The following SLC26A5 variants were observed in gnomAD, a reference collection of about 807,000 sequenced individuals.
SLC26A5 encodes prestin.
In SLC26A5, 51 loss-of-function variants were observed where a neutral mutation model predicts 81.0. That is an observed-to-expected ratio of 0.63 (90% confidence interval 0.50 to 0.80). The LOEUF (loss-of-function observed/expected upper bound fraction) is 0.80, where lower values mean the gene tolerates loss of function less well. Ranked by LOEUF, SLC26A5 falls within the 30% of genes least tolerant of loss-of-function variation. The pLI is 0.00. For missense variants in SLC26A5, 771 were observed against 905.8 expected (o/e 0.85, Z 1.91); for synonymous variants, 325 against 332.8 (o/e 0.98, Z 0.25).
At chr7:103,364,221 C>T (rs1820569965) in intron 19 of SLC26A5, 1 of 1,614,106 alleles carries the variant, frequency 6.2e-7, no homozygotes, top group African/African-American at 1.3e-5. Flanking sequence ...AGGCAAGACA[C>T]TCTGTGCGCG....
chr7:103,352,920 A>G, exon 20 of SLC26A5: 1 of 780,960 alleles, frequency 1.3e-6, no homozygotes, highest in Non-Finnish European at 2.4e-6. Context: ...TCATCTCTGT[A>G]TGAAAGCTGA....
intron 19 of SLC26A5, chr7:103,363,586 G>A: frequency 2.8e-6 from 2 of 702,418 alleles, no homozygotes; most frequent in East Asian, 5.4e-5. Flanking sequence ...GGTGTGGAGA[G>A]TTGGTAAGTT....
intron 7 of SLC26A5, among the ~76,000 whole-genome samples, chr7:103,409,527 T>C (rs1196832089): frequency 4.6e-5 from 7 of 152,248 alleles, no homozygotes; most frequent in South Asian, 2.1e-4. Flanking sequence ...ATTGAATTTT[T>C]AGAATTTGTG....
intron 4 of SLC26A5, among the ~76,000 whole-genome samples, chr7:103,414,640 T>C (rs1379491344): frequency 1.3e-5 from 2 of 152,246 alleles, no homozygotes; most frequent in African/African-American, 2.4e-5. Context: ...TGTTTGGATG[T>C]ACCACAGTTT....
At chr7:103,368,808 C>T (rs1260647208) in intron 19 of SLC26A5, 1 of 152,138 alleles carries the variant, frequency 6.6e-6, no homozygotes, top group Non-Finnish European at 1.5e-5. Context: ...GAATTGGCTT[C>T]ATACAGAAAA....
At chr7:103,446,002 G>A (rs1827286894) in intron 1 of SLC26A5, 96 bp downstream of exon 1, 1 of 150,384 alleles carries the variant, frequency 6.6e-6, no homozygotes, top group Non-Finnish European at 1.5e-5. Context: ...GGCGGTGACA[G>A]CGAGGGCCCC....
At chr7:103,430,076 C>CTT (rs34122107) in intron 2 of SLC26A5, among the ~76,000 whole-genome samples, 4 of 137,178 alleles carry the variant, frequency 2.9e-5, no homozygotes, top group Non-Finnish European at 4.8e-5. Flanking sequence ...GGAAATGGCA[C>CTT]TTTTTTTTTT....
At chr7:103,366,286 C>A in intron 19 of SLC26A5, 1 of 801,514 alleles carries the variant, frequency 1.2e-6, no homozygotes, top group South Asian at 1.7e-5. Context: ...AGCTCTGAAA[C>A]AGTGGCGCCA....
At chr7:103,370,714 A>T (rs1452051241), downstream of SLC26A5, among the ~76,000 whole-genome samples, 1 of 152,220 alleles carries the variant, frequency 6.6e-6, no homozygotes, top group Non-Finnish European at 1.5e-5. Context: ...ATACTAATAC[A>T]GAGTCAGTGT....
At chr7:103,406,554 G>A (rs1824066698) in intron 8 of SLC26A5, among the ~76,000 whole-genome samples, 1 of 152,108 alleles carries the variant, frequency 6.6e-6, no homozygotes, top group East Asian at 1.9e-4. Context: ...GATTCCTCAG[G>A]TGGAAATGCA....
chr7:103,396,114 A>C (rs1166621707), intron 9 of SLC26A5, among the ~76,000 whole-genome samples: 1 of 152,214 alleles, frequency 6.6e-6, no homozygotes, highest in Non-Finnish European at 1.5e-5. Context: ...CACAGCTAGT[A>C]CGTGGCAGGC....
At chr7:103,416,234 T>G (rs1824898826) in intron 4 of SLC26A5, among the ~76,000 whole-genome samples, 1 of 152,230 alleles carries the variant, frequency 6.6e-6, no homozygotes, top group Non-Finnish European at 1.5e-5. Flanking sequence ...TTGGTCTCTT[T>G]CTTGAAGCTT....
chr7:103,355,156 G>GAAATAA (rs1183913166), intron 19 of SLC26A5, among the ~76,000 whole-genome samples: 1 of 152,136 alleles, frequency 6.6e-6, no homozygotes, highest in East Asian at 1.9e-4. Context: ...TAAGAAATAA[G>GAAATAA]AAATAGTACC....
chr7:103,364,356 G>T (rs1305759486), intron 19 of SLC26A5: 1 of 1,591,374 alleles, frequency 6.3e-7, no homozygotes, highest in Non-Finnish European at 8.6e-7. Context: ...AGATTTTACA[G>T]TATGAATGAA....
At chr7:103,393,919 G>A (rs1204360137) in intron 9 of SLC26A5, among the ~76,000 whole-genome samples, 1 of 152,064 alleles carries the variant, frequency 6.6e-6, no homozygotes, top group Non-Finnish European at 1.5e-5. Flanking sequence ...ACAATAACAA[G>A]CATTTATTAT....
Position 103,420,586 on chromosome 7 carries a change from G to T in SLC26A5, c.292+152C>A, listed in dbSNP as rs1302260283. On this transcript the variant is annotated intron_variant, in intron 4 of 19. Transcript: ENST00000306312. Reference sequence around the variant, plus strand: ...AAAGTGCTGAGATTACAGGTTTAAGGATTACATGTTTCTGAAGAATACCTT... The same window carrying T: ...AAAGTGCTGAGATTACAGGTTTAAGTATTACATGTTTCTGAAGAATACCTT... 2.7e-6 allele frequency: 3 copies of T among 1,109,722 alleles called. No homozygotes were observed. The Admixed American group carries it at 6.3e-5, about 23-fold the overall frequency. The allele number at this position is 1,109,722 out of a possible 1,614,324, so 68.7% of individuals were successfully genotyped here. A position where few individuals can be genotyped will look rare whatever the true frequency, so the allele number is the denominator to read the frequency against.
chr7:103,390,765 G>C (rs1363282367), intron 11 of SLC26A5, among the ~76,000 whole-genome samples: 2 of 152,008 alleles, frequency 1.3e-5, no homozygotes, highest in Non-Finnish European at 2.9e-5. Context: ...GTGGAGGAAA[G>C]ATGTCTGGTG....
intron 9 of SLC26A5, 29 bp from the exon 10 acceptor site, chr7:103,393,095 G>A: frequency 1.2e-6 from 2 of 1,613,588 alleles, no homozygotes; most frequent in Non-Finnish European, 8.5e-7. Flanking sequence ...TTTAACTTGT[G>A]TTGTGACCAC....
intron 4 of SLC26A5, among the ~76,000 whole-genome samples, chr7:103,419,212 A>G (rs1825148086): frequency 6.6e-6 from 1 of 152,186 alleles, no homozygotes; most frequent in South Asian, 2.1e-4. Flanking sequence ...ACCAAGTCTC[A>G]GGTATGTCTT....
Sources: gnomAD v4.1 joint callset for allele counts (sites outside exome capture counted in the v4.1 genomes callset) on GRCh38, gnomAD v4.1.1 for gene constraint, MANE v1.5 for transcripts, NCBI Gene and HGNC (gene_info 2026-07-23, HGNC 2026-07-21) for gene names.